The following PCDH7 variants were observed in gnomAD, a reference collection of about 807,000 sequenced individuals.
PCDH7 encodes the protein protocadherin 7, also known as protocadherin-7.
Under a neutral mutation model 58.9 loss-of-function variants are expected in PCDH7, and 17 were observed. The ratio of observed to expected loss-of-function variants is 0.29; its 90% CI spans 0.20 to 0.43. The LOEUF (loss-of-function observed/expected upper bound fraction) is 0.43. Ranked by LOEUF, PCDH7 falls within the 20% of genes least tolerant of loss-of-function variation. The probability of loss-of-function intolerance (pLI) is 1.00; values close to 1 mark genes in which losing one functional copy is unlikely to be tolerated. For synonymous variants in PCDH7, 664 were observed against 616.4 expected (o/e 1.08, Z -1.14); for missense variants, 1,274 against 1,441.0 (o/e 0.88, Z 1.88).
intron 1 of PCDH7, among the ~76,000 whole-genome samples, chr4:30,908,932 T>TA (rs1310374717): frequency 1.3e-5 from 2 of 152,150 alleles, no homozygotes; most frequent in African/African-American, 4.8e-5. Context: ...AAATCCTCGA[T>TA]AAAATACTGG....
intron 3 of PCDH7, among the ~76,000 whole-genome samples, chr4:30,953,502 C>T (rs1460305692): frequency 1.3e-5 from 2 of 151,396 alleles, no homozygotes; most frequent in Non-Finnish European, 2.9e-5. Flanking sequence ...CATGGGCTTC[C>T]ACAGTTTATG....
intron 1 of PCDH7, among the ~76,000 whole-genome samples, chr4:30,747,121 T>C (rs1254235424): frequency 6.6e-6 from 1 of 152,214 alleles, no homozygotes; most frequent in African/African-American, 2.4e-5. Context: ...TCTAAAGGCA[T>C]TAGCTGAAAC....
chr4:30,906,836 A>G (rs1288698609), intron 1 of PCDH7, among the ~76,000 whole-genome samples: 1 of 152,034 alleles, frequency 6.6e-6, no homozygotes, highest in African/African-American at 2.4e-5. Flanking sequence ...CAGGTTGGCC[A>G]ACATGGTGAA....
chr4:31,061,091 T>A (rs1757654563), intron 3 of PCDH7, among the ~76,000 whole-genome samples: 1 of 151,698 alleles, frequency 6.6e-6, no homozygotes. Flanking sequence ...GTCCCCTGTT[T>A]ACTGACTTCA....
At chr4:30,744,121 C>T (rs554362494) in intron 1 of PCDH7, among the ~76,000 whole-genome samples, 3 of 152,202 alleles carry the variant, frequency 2.0e-5, no homozygotes, top group Non-Finnish European at 4.4e-5. Flanking sequence ...TCATTTTTCC[C>T]GCCAAGCTGT....
At chr4:31,074,303 T>G (rs1181561211) in intron 3 of PCDH7, among the ~76,000 whole-genome samples, 1 of 151,594 alleles carries the variant, frequency 6.6e-6, no homozygotes, top group Non-Finnish European at 1.5e-5. Context: ...AGCACATTAC[T>G]GTTTTCTGAA....
intron 3 of PCDH7, among the ~76,000 whole-genome samples, chr4:31,116,905 G>A (rs900349128): frequency 5.9e-5 from 9 of 151,944 alleles, no homozygotes; most frequent in African/African-American, 9.7e-5. Context: ...GCGCGATCTC[G>A]GCTCACTGCA....
chr4:31,075,923 A>G (rs6820873), intron 3 of PCDH7, among the ~76,000 whole-genome samples: 19 of 151,974 alleles, frequency 1.3e-4, no homozygotes, highest in Non-Finnish European at 2.8e-4. Context: ...GAAAGGATGT[A>G]AAGTACTCCA....
intron 1 of PCDH7, among the ~76,000 whole-genome samples, chr4:30,774,787 C>G (rs746850886): frequency 5.9e-5 from 9 of 152,162 alleles, no homozygotes; most frequent in Non-Finnish European, 1.2e-4. Flanking sequence ...CCGTCATTCT[C>G]CTGTTGTTTA....
chr4:30,957,207 A>G (rs1578411025), intron 3 of PCDH7, among the ~76,000 whole-genome samples: 1 of 152,176 alleles, frequency 6.6e-6, no homozygotes, highest in Non-Finnish European at 1.5e-5. Context: ...ACCAGACTTA[A>G]CCATCATTAT....
At position 30,724,538 on chromosome 4, in the gene PCDH7, T is replaced by C. The variant is rs768787461; in HGVS notation, c.3116T>C (p.Ile1039Thr). The change falls in exon 1 of 2, where the codon ATT (isoleucine) becomes ACT (threonine). Residue 1039 changes from isoleucine (I) to threonine (T), a missense_variant. Coordinates refer to ENST00000361762, the Ensembl canonical transcript of PCDH7. ...GTGGGAGCAGGAGACAACATTTCAATTGGATCAGATCACTGCTCTGAGTAC... is the reference window on the plus strand; with the variant it reads ...GTGGGAGCAGGAGACAACATTTCAACTGGATCAGATCACTGCTCTGAGTAC... The C allele has an allele frequency of 3.0e-5, 49 of 1,614,018 alleles. No individual in the cohort carries two copies. The Admixed American group carries it at 8.2e-4, about 27-fold the overall frequency.
chr4:30,833,538 TTAATTCCAGCTGTCGTCTTAGTCCCATCC>T (rs1730075098), intron 1 of PCDH7, among the ~76,000 whole-genome samples: 1 of 152,194 alleles, frequency 6.6e-6, no homozygotes, highest in South Asian at 2.1e-4. Context: ...GTTAGCATCC[TTAATTCCAGCTGTCGTCTTAGTCCCATCC>T]CCACCCCCTG....
chr4:30,918,035 G>A (rs535229206), intron 1 of PCDH7, among the ~76,000 whole-genome samples: 1 of 151,984 alleles, frequency 6.6e-6, no homozygotes, highest in Non-Finnish European at 1.5e-5. Context: ...GTTAATGAAG[G>A]TATTCTAAAA....
At chr4:30,965,478 G>C (rs2109465619) in intron 3 of PCDH7, among the ~76,000 whole-genome samples, 1 of 152,006 alleles carries the variant, frequency 6.6e-6, no homozygotes, top group Admixed American at 6.6e-5. Flanking sequence ...TGTTTGACTA[G>C]AGTATTTATC....
At chr4:30,788,866 C>A (rs948995444) in intron 1 of PCDH7, among the ~76,000 whole-genome samples, 6 of 152,084 alleles carry the variant, frequency 3.9e-5, no homozygotes, top group Non-Finnish European at 7.4e-5. Flanking sequence ...TTTTGGAATA[C>A]ACTATCATTT....
At chr4:30,912,340 G>C (rs1741886512) in intron 1 of PCDH7, among the ~76,000 whole-genome samples, 1 of 152,132 alleles carries the variant, frequency 6.6e-6, no homozygotes, top group African/African-American at 2.4e-5. Flanking sequence ...ATTAATCAGT[G>C]CCTGTTCATT....
intron 3 of PCDH7, among the ~76,000 whole-genome samples, chr4:31,087,040 G>C (rs758593245): frequency 3.3e-5 from 5 of 152,164 alleles, no homozygotes; most frequent in Non-Finnish European, 5.9e-5. Flanking sequence ...GTTGCAGAAA[G>C]GTGAAGTGAG....
At chr4:31,079,814 T>C (rs1759353099) in intron 3 of PCDH7, among the ~76,000 whole-genome samples, 1 of 152,054 alleles carries the variant, frequency 6.6e-6, no homozygotes, top group African/African-American at 2.4e-5. Flanking sequence ...CACATTTGGG[T>C]GGATTCATAC....
chr4:30,750,565 T>C (rs10003467), intron 1 of PCDH7, among the ~76,000 whole-genome samples: 31,609 of 152,076 alleles, frequency 0.21, 3,689 homozygotes, highest in African/African-American at 0.3. Context: ...AAGTTAACCC[T>C]GGGTGCAAAT....
Sources: gnomAD v4.1 joint callset for allele counts (sites outside exome capture counted in the v4.1 genomes callset) on GRCh38, gnomAD v4.1.1 for gene constraint, MANE v1.5 for transcripts, NCBI Gene and HGNC (gene_info 2026-07-23, HGNC 2026-07-21) for gene names.